MTA3: variants seen among roughly 807,000 people sequenced by gnomAD.
The protein encoded by MTA3 is metastasis-associated protein MTA3.
MTA3 carries 34 observed loss-of-function variants against 83.5 expected under a neutral mutation model. The ratio of observed to expected loss-of-function variants is 0.41; its 90% CI spans 0.31 to 0.54. MTA3 has a LOEUF of 0.54. Among genes scored for constraint, MTA3 ranks in the 20% least tolerant of loss-of-function variants. The probability of loss-of-function intolerance (pLI) is 0.33; values close to 1 mark genes in which losing one functional copy is unlikely to be tolerated. For synonymous variants in MTA3, 303 were observed against 252.7 expected (o/e 1.20, Z -1.89); for missense variants, 761 against 726.4 (o/e 1.05, Z -0.55).
intron 4 of MTA3, among the ~76,000 whole-genome samples, chr2:42,611,465 A>C (rs895018074): frequency 6.6e-6 from 1 of 152,090 alleles, no homozygotes; most frequent in African/African-American, 2.4e-5. Context: ...TTTGTCTCCA[A>C]ATCTTGTCAG....
At chr2:42,550,273 A>G (rs1487812637) in intron 2 of MTA3, among the ~76,000 whole-genome samples, 1 of 152,212 alleles carries the variant, frequency 6.6e-6, no homozygotes, top group Non-Finnish European at 1.5e-5. Context: ...ATAATTGCTT[A>G]GTTAAGATGG....
intron 2 of MTA3, among the ~76,000 whole-genome samples, chr2:42,534,699 G>A (rs1676138752): frequency 6.6e-6 from 1 of 152,204 alleles, no homozygotes; most frequent in Admixed American, 6.5e-5. Flanking sequence ...GAAAAAAATA[G>A]TTTTGAGGGA....
Position 42,682,419 on chromosome 2 carries a change from T to C in MTA3, c.721T>C (p.Leu241=). The C allele has an allele frequency of 6.2e-7, 1 of 1,604,978 alleles. No individual in the cohort carries two copies. Among genetic ancestry groups the C allele is most frequent in the Non-Finnish European group, 8.5e-7 (1 of 1,174,768 alleles). The change falls in exon 9 of 17, where the codon TTG becomes CTG. Residue 241 remains leucine (L), a synonymous_variant. Coordinates refer to ENST00000405094, the MANE Select transcript of MTA3 (RefSeq NM_001330442.2). ...TCTTTAGTTTCACGCTATGGATACA[T>C]TGTATAGACACAGCTATGATTTGAG... ...DITLFHAMDT[L]YRHSYDLSSA...
chr2:42,721,488 T>TTC (rs1286999282), intron 15 of MTA3, among the ~76,000 whole-genome samples: 9 of 151,862 alleles, frequency 5.9e-5, no homozygotes, highest in African/African-American at 1.7e-4. Flanking sequence ...CCACCACACT[T>TTC]GGCTAATTTT....
At chr2:42,505,755 G>A (rs1258205867) in intron 2 of MTA3, among the ~76,000 whole-genome samples, 1 of 149,726 alleles carries the variant, frequency 6.7e-6, no homozygotes, top group Non-Finnish European at 1.5e-5. Flanking sequence ...AAACGAGATG[G>A]GCCACAAATT....
At chr2:42,669,192 C>G (rs1284105841) in intron 8 of MTA3, among the ~76,000 whole-genome samples, 1 of 149,558 alleles carries the variant, frequency 6.7e-6, no homozygotes, top group African/African-American at 2.5e-5. Context: ...TCAAGCGATT[C>G]TCCTGCCTCA....
chr2:42,552,978 A>G (rs1677188096), intron 2 of MTA3, among the ~76,000 whole-genome samples: 1 of 151,496 alleles, frequency 6.6e-6, no homozygotes, highest in Non-Finnish European at 1.5e-5. Flanking sequence ...AAAAAATCAA[A>G]GAAAGTTCTA....
At chr2:42,720,311 T>A (rs1667313632) in intron 15 of MTA3, among the ~76,000 whole-genome samples, 1 of 152,006 alleles carries the variant, frequency 6.6e-6, no homozygotes, top group African/African-American at 2.4e-5. Context: ...GCCTCCTGAG[T>A]AGGTGGGACT....
chr2:42,721,240 A>G (rs1667386518), intron 15 of MTA3, among the ~76,000 whole-genome samples: 1 of 152,062 alleles, frequency 6.6e-6, no homozygotes, highest in African/African-American at 2.4e-5. Flanking sequence ...GGTAAGAACA[A>G]TAAAACAAAG....
intron 2 of MTA3, among the ~76,000 whole-genome samples, chr2:42,561,475 A>T (rs1677672526): frequency 6.6e-6 from 1 of 152,024 alleles, no homozygotes. Flanking sequence ...GGTGCCTGCC[A>T]CCACGCCTGA....
intron 2 of MTA3, among the ~76,000 whole-genome samples, chr2:42,532,513 A>ATT (rs1285195094): frequency 6.6e-6 from 1 of 152,218 alleles, no homozygotes; most frequent in Non-Finnish European, 1.5e-5. Flanking sequence ...CCATCTCAAA[A>ATT]AACAAAAAAA....
In MTA3 at chr2:42,697,833, T is replaced by A; in HGVS notation, c.1024T>A (p.Tyr342Asn). The change falls in exon 11 of 17, where the codon TAC (tyrosine) becomes AAC (asparagine). Residue 342 changes from tyrosine to asparagine, a missense_variant and splice_region_variant. By Grantham distance (143) the Tyr-to-Asn change is moderately radical (BLOSUM62 -2). Coordinates refer to ENST00000405094, the MANE Select transcript of MTA3 (RefSeq NM_001330442.2). ...ACTGAAACAAGTATATATCCCAACC[T>A]AGTAAGTAATTGAAATCTTTTAAAA... Reference protein sequence around the residue: ...SKLKQVYIPTYSKPNPNQIST... With the variant: ...SKLKQVYIPTNSKPNPNQIST... 6.6e-7 allele frequency: 1 copy of A among 1,518,752 alleles called. No individual in the cohort carries two copies. The highest frequency in any genetic ancestry group is 8.9e-7 in the Non-Finnish European group (1 of 1,129,400). The allele number at this position is 1,518,752 out of a possible 1,614,324, so 94.1% of individuals were successfully genotyped here.
At chr2:42,622,392 C>T (rs1387998382) in intron 4 of MTA3, among the ~76,000 whole-genome samples, 4 of 33,114 alleles carry the variant, frequency 1.2e-4, no homozygotes, top group East Asian at 1.4e-3. Flanking sequence ...AGAGGGAGAC[C>T]GTGGGGAGAG....
rs1676317896 is a variant in MTA3, at chr2:42,537,802, T to A, written c.-140-32635T>A. On this transcript the variant is annotated intron_variant, in intron 2 of 17. Transcript: ENST00000405592. The stretch of plus-strand genomic sequence containing the variant: ...GGATGAAACTATGGAATGTTGAAAT[T>A]CCTGGATGTGGTCATTCTTTTTAGA... Among the ~76,000 whole-genome samples, 3 of 152,292 alleles carry A rather than the reference T, an allele frequency of 2.0e-5. No individual in the cohort carries two copies. The South Asian group carries it at 6.2e-4, about 32-fold the overall frequency.
chr2:42,670,784 T>C (rs1690723961), intron 8 of MTA3, among the ~76,000 whole-genome samples: 1 of 151,452 alleles, frequency 6.6e-6, no homozygotes. Flanking sequence ...AGTTTGAAAG[T>C]AAAATTTCAG....
At chr2:42,718,253 A>G (rs187367319) in intron 14 of MTA3, among the ~76,000 whole-genome samples, 12 of 151,470 alleles carry the variant, frequency 7.9e-5, no homozygotes, top group African/African-American at 1.7e-4. Context: ...TATTATTGTT[A>G]TTATTATTAT....
chr2:42,629,331 G>A (rs1686445793), intron 4 of MTA3, among the ~76,000 whole-genome samples: 2 of 152,058 alleles, frequency 1.3e-5, no homozygotes, highest in South Asian at 2.1e-4. Context: ...CACCTGCCTC[G>A]GCCTCCCAAA....
At chr2:42,616,872 A>G (rs1293491638) in intron 4 of MTA3, among the ~76,000 whole-genome samples, 1 of 152,186 alleles carries the variant, frequency 6.6e-6, no homozygotes, top group Admixed American at 6.6e-5. Flanking sequence ...GGCGTGAGCC[A>G]TCGTGCCTAG....
intron 2 of MTA3, among the ~76,000 whole-genome samples, chr2:42,563,324 A>G (rs866054902): frequency 6.6e-6 from 1 of 152,082 alleles, no homozygotes; most frequent in African/African-American, 2.4e-5. Context: ...GCGCGCCACC[A>G]TGCCTGGCTA....
Sources: allele counts gnomAD v4.1 joint callset (sites outside exome capture counted in the v4.1 genomes callset), GRCh38; gene constraint gnomAD v4.1.1; transcripts MANE v1.5; gene names NCBI Gene and HGNC (gene_info 2026-07-23, HGNC 2026-07-21).